ZFYVE28: variants seen among roughly 807,000 people sequenced by gnomAD.
The protein encoded by ZFYVE28 is lateral signaling target protein 2 homolog.
A neutral mutation model predicts 82.1 loss-of-function variants in ZFYVE28; 40 were observed. That is an observed-to-expected ratio of 0.49 (90% CI 0.38 to 0.63). ZFYVE28 has a LOEUF of 0.63. Among genes scored for constraint, ZFYVE28 ranks in the 30% least tolerant of loss-of-function variants. ZFYVE28 has a pLI of 0.00. For synonymous variants in ZFYVE28, 612 were observed against 546.1 expected (o/e 1.12, Z -1.68); for missense variants, 1,321 against 1,242.1 (o/e 1.06, Z -0.96).
At chr4:2,390,135 G>A (rs1729678894) in intron 1 of ZFYVE28, among the ~76,000 whole-genome samples, 1 of 152,252 alleles carries the variant, frequency 6.6e-6, no homozygotes, top group Non-Finnish European at 1.5e-5. Context: ...GTCCTTCATA[G>A]AGACAGAAGG....
chr4:2,349,415 C>G (rs1724038019), intron 2 of ZFYVE28, among the ~76,000 whole-genome samples: 1 of 151,424 alleles, frequency 6.6e-6, no homozygotes, highest in South Asian at 2.1e-4. Flanking sequence ...ATACCTAATG[C>G]TAGATGATGA....
chr4:2,357,464 T>C (rs981711633), intron 1 of ZFYVE28, among the ~76,000 whole-genome samples: 5 of 152,172 alleles, frequency 3.3e-5, no homozygotes, highest in Non-Finnish European at 7.4e-5. Context: ...GCCCAAGGCC[T>C]GCATGAGACC....
At chr4:2,350,830 T>C (rs1230627143) in intron 2 of ZFYVE28, among the ~76,000 whole-genome samples, 1 of 152,158 alleles carries the variant, frequency 6.6e-6, no homozygotes, top group Non-Finnish European at 1.5e-5. Context: ...GGCGAACACA[T>C]CCGCCTGCCA....
intron 5 of ZFYVE28, 21 bp downstream of exon 5, chr4:2,337,386 C>T: frequency 6.3e-7 from 1 of 1,582,780 alleles, no homozygotes; most frequent in South Asian, 1.2e-5. Flanking sequence ...GCCCCCAGCC[C>T]CTAAGCATCC....
In ZFYVE28 at chr4:2,283,007, T is replaced by C. The variant is rs1472720422; in HGVS notation, c.2052-8791A>G. ...TAATTGTGCTTGGATGTGGGAAAAT[T>C]AGCAGCTCGGGCATTTGTACAACCA... On this transcript the variant is annotated intron_variant, in intron 8 of 12. Coordinates refer to ENST00000290974, the MANE Select transcript of ZFYVE28 (RefSeq NM_020972.3). Among the ~76,000 whole-genome samples the C allele has an allele frequency of 2.0e-5, 3 of 152,182 alleles. No homozygotes were observed. In the East Asian group the frequency reaches 5.8e-4, roughly 29 times the overall value.
At chr4:2,348,891 G>A (rs1723957105) in intron 2 of ZFYVE28, among the ~76,000 whole-genome samples, 1 of 152,082 alleles carries the variant, frequency 6.6e-6, no homozygotes, top group African/African-American at 2.4e-5. Flanking sequence ...TTCTACCAGA[G>A]AACTAAAATG....
At chr4:2,296,578 G>T (rs1714602791) in intron 8 of ZFYVE28, among the ~76,000 whole-genome samples, 1 of 150,922 alleles carries the variant, frequency 6.6e-6, no homozygotes, top group African/African-American at 2.4e-5. Flanking sequence ...TGGGTGGAAG[G>T]TCTCGGTGTT....
At chr4:2,294,548 T>C (rs1394171978) in intron 8 of ZFYVE28, among the ~76,000 whole-genome samples, 1 of 152,200 alleles carries the variant, frequency 6.6e-6, no homozygotes, top group Non-Finnish European at 1.5e-5. Context: ...AAAATAATTC[T>C]TAGATATGGC....
At chr4:2,360,836 C>T (rs1726046879) in intron 1 of ZFYVE28, among the ~76,000 whole-genome samples, 1 of 152,186 alleles carries the variant, frequency 6.6e-6, no homozygotes, top group Non-Finnish European at 1.5e-5. Flanking sequence ...TCAAGTGAGC[C>T]TGCGGGCCCG....
At position 2,320,284 on chromosome 4, in the gene ZFYVE28, C is replaced by A; in HGVS notation, c.702-13G>T. 6.2e-7 allele frequency: 1 copy of A among 1,612,806 alleles called. No homozygotes were observed. Among genetic ancestry groups the A allele is most frequent in the Non-Finnish European group, 8.5e-7 (1 of 1,179,234 alleles). On this transcript the variant is annotated splice_polypyrimidine_tract_variant and intron_variant, in intron 6 of 12. Coordinates refer to ENST00000290974, the MANE Select transcript of ZFYVE28 (RefSeq NM_020972.3). This position sits in a 1 kb window ranked among gnomAD's most constrained non-coding sequence, Gnocchi z 5.1. The stretch of plus-strand genomic sequence containing the variant: ...GACCACGAGGCCACTGCATTTGAGA[C>A]ACAAAAGCCAGGATGTCAGGCCCTG...
intron 7 of ZFYVE28, among the ~76,000 whole-genome samples, chr4:2,307,947 A>C (rs1367741042): frequency 6.6e-6 from 1 of 152,196 alleles, no homozygotes; most frequent in Non-Finnish European, 1.5e-5. Flanking sequence ...TTGGAAAGAA[A>C]AACAACCATT....
In ZFYVE28 at chr4:2,413,469, G is replaced by A. The variant is rs538127600; in HGVS notation, c.39+4816C>T. On this transcript the variant is annotated intron_variant, in intron 1 of 12. Transcript: ENST00000290974. ...GAGACCGGTGCGCAGGGCCAGCCAC[G>A]CCTGCTCTGACTCAGCACTGCCAAG... 3.3e-5 allele frequency among the ~76,000 whole-genome samples: 5 copies of A among 152,314 alleles called. No homozygotes were observed. In the South Asian group the frequency reaches 6.2e-4, roughly 19 times the overall value.
chr4:2,289,047 G>T (rs530877265), intron 8 of ZFYVE28, among the ~76,000 whole-genome samples: 2 of 152,316 alleles, frequency 1.3e-5, no homozygotes, highest in South Asian at 4.1e-4. Context: ...ACTTTGGGAG[G>T]CCAAGGTGGG....
intron 6 of ZFYVE28, chr4:2,324,547 T>G: frequency 5.5e-6 from 1 of 182,496 alleles, no homozygotes; most frequent in East Asian, 1.4e-4. Context: ...TCAACTGATC[T>G]TCACTCCTCC....
At chr4:2,334,165 G>A (rs1055394332) in intron 6 of ZFYVE28, among the ~76,000 whole-genome samples, 2 of 152,308 alleles carry the variant, frequency 1.3e-5, no homozygotes, top group East Asian at 1.9e-4. Context: ...CAACCTCTGC[G>A]AGGACACGGG....
intron 1 of ZFYVE28, among the ~76,000 whole-genome samples, chr4:2,395,423 C>T (rs2108928685): frequency 6.6e-6 from 1 of 152,362 alleles, no homozygotes; most frequent in African/African-American, 2.4e-5. Context: ...AATTAGGCCC[C>T]TTCATAAGCC....
At chr4:2,354,582 C>T (rs1278668201) in intron 1 of ZFYVE28, among the ~76,000 whole-genome samples, 1 of 151,916 alleles carries the variant, frequency 6.6e-6, no homozygotes, top group Non-Finnish European at 1.5e-5. Flanking sequence ...TCTCAGCCTC[C>T]CCAGTAACTG....
At chr4:2,277,334 G>C (rs1736560571) in intron 8 of ZFYVE28, among the ~76,000 whole-genome samples, 1 of 152,324 alleles carries the variant, frequency 6.6e-6, no homozygotes, top group South Asian at 2.1e-4. Flanking sequence ...CAAAAAATTA[G>C]CCGGGCGTGG....
At chr4:2,397,240 G>A (rs534803249) in intron 1 of ZFYVE28, among the ~76,000 whole-genome samples, 22 of 152,250 alleles carry the variant, frequency 1.4e-4, no homozygotes, top group African/African-American at 5.3e-4. Context: ...GGGAGGCCAA[G>A]GTGGGTGGAT....
Sources: gnomAD v4.1 joint callset for allele counts (sites outside exome capture counted in the v4.1 genomes callset) on GRCh38, gnomAD v4.1.1 for gene constraint, Gnocchi (gnomAD v3.1) non-coding constraint, MANE v1.5 for transcripts, NCBI Gene and HGNC (gene_info 2026-07-23, HGNC 2026-07-21) for gene names.